Variants in SLC25A13 observed in about 807,000 individuals in gnomAD.
SLC25A13 encodes the protein solute carrier family 25 member 13, also known as electrogenic aspartate/glutamate antiporter SLC25A13, mitochondrial.
A neutral mutation model predicts 85.5 loss-of-function variants in SLC25A13; 70 were observed. That is an observed-to-expected ratio of 0.82 (90% CI 0.68 to 1.00). The LOEUF (loss-of-function observed/expected upper bound fraction) is 1.00, where lower values mean the gene tolerates loss of function less well. Among genes scored for constraint, SLC25A13 ranks in the 50% least tolerant of loss-of-function variants. The pLI is 0.00. For synonymous variants in SLC25A13, 259 were observed against 288.7 expected (o/e 0.90, Z 1.04); for missense variants, 765 against 819.8 (o/e 0.93, Z 0.82).
chr7:96,309,417 T>A (rs1373759798), intron 1 of SLC25A13: 1 of 152,244 alleles, frequency 6.6e-6, no homozygotes, highest in South Asian at 2.1e-4. Flanking sequence ...TGTGCTCACC[T>A]GGCGATTACC....
At chr7:96,267,846 T>C (rs941094163) in intron 3 of SLC25A13, among the ~76,000 whole-genome samples, 3 of 152,214 alleles carry the variant, frequency 2.0e-5, no homozygotes, top group Admixed American at 2.0e-4. Context: ...TGCTGTCATT[T>C]TGGTACAACA....
intron 5 of SLC25A13, among the ~76,000 whole-genome samples, chr7:96,194,733 A>G (rs1794997643): frequency 6.6e-6 from 1 of 152,198 alleles, no homozygotes; most frequent in Non-Finnish European, 1.5e-5. Flanking sequence ...AGTATTTGCA[A>G]TAACGGAAGC....
intron 3 of SLC25A13, among the ~76,000 whole-genome samples, chr7:96,255,864 A>C (rs1054119739): frequency 6.6e-6 from 1 of 152,212 alleles, no homozygotes; most frequent in Non-Finnish European, 1.5e-5. Context: ...CCATCAGACT[A>C]ACAGTGAATC....
chr7:96,224,966 C>G (rs144483727), intron 4 of SLC25A13, among the ~76,000 whole-genome samples: 41 of 152,284 alleles, frequency 2.7e-4, no homozygotes, highest in African/African-American at 8.4e-4. Context: ...ACTTACTCAA[C>G]TTCCCCATGT....
intron 4 of SLC25A13, among the ~76,000 whole-genome samples, chr7:96,216,287 T>G (rs1227631284): frequency 6.6e-6 from 1 of 152,210 alleles, no homozygotes; most frequent in South Asian, 2.1e-4. Context: ...GGAACACTTA[T>G]GTACTGTTGG....
chr7:96,304,528 C>T (rs1427360678), intron 1 of SLC25A13, among the ~76,000 whole-genome samples: 2 of 152,108 alleles, frequency 1.3e-5, no homozygotes, highest in African/African-American at 2.4e-5. Flanking sequence ...TCTGTTATGC[C>T]AAAAGAGCCT....
chr7:96,312,270 T>C (rs532789891), intron 1 of SLC25A13, among the ~76,000 whole-genome samples: 1 of 152,322 alleles, frequency 6.6e-6, no homozygotes, highest in Non-Finnish European at 1.5e-5. Context: ...TCTGTACAAA[T>C]GAGTTTCTCG....
chr7:96,129,996 TAATG>T (rs932089637), intron 15 of SLC25A13, among the ~76,000 whole-genome samples: 13 of 152,182 alleles, frequency 8.5e-5, no homozygotes, highest in Admixed American at 2.6e-4. Context: ...AGTAGTGAAA[TAATG>T]AATAATATTT....
chr7:96,210,430 T>C (rs933434087), intron 4 of SLC25A13, among the ~76,000 whole-genome samples: 6 of 152,116 alleles, frequency 3.9e-5, no homozygotes, highest in African/African-American at 1.2e-4. Flanking sequence ...CAGGGGTCAA[T>C]AAAAGGAATT....
intron 5 of SLC25A13, among the ~76,000 whole-genome samples, chr7:96,197,509 T>C (rs1397619117): frequency 2.0e-5 from 3 of 152,144 alleles, no homozygotes; most frequent in Non-Finnish European, 4.4e-5. Flanking sequence ...CATAGGTTAC[T>C]CCGTAAATAT....
At chr7:96,146,457 A>G in intron 14 of SLC25A13, 99 bp downstream of exon 14, 2 of 1,497,652 alleles carry the variant, frequency 1.3e-6, no homozygotes, top group Non-Finnish European at 1.8e-6. Context: ...CTCCAGGTGT[A>G]GAAATGCAAA....
At chr7:96,302,792 ACT>A in intron 1 of SLC25A13, among the ~76,000 whole-genome samples, 1 of 152,346 alleles carries the variant, frequency 6.6e-6, no homozygotes, top group African/African-American at 2.4e-5. Flanking sequence ...TCACCTGGGA[ACT>A]TTTAAAAATA....
intron 3 of SLC25A13, among the ~76,000 whole-genome samples, chr7:96,251,326 G>A (rs1252170390): frequency 1.3e-5 from 2 of 152,170 alleles, no homozygotes; most frequent in Admixed American, 6.5e-5. Flanking sequence ...GGCCTTGTTG[G>A]CCACGAGAAG....
At chr7:96,223,682 G>C (rs937979053) in intron 4 of SLC25A13, among the ~76,000 whole-genome samples, 3 of 151,978 alleles carry the variant, frequency 2.0e-5, no homozygotes, top group South Asian at 2.1e-4. Flanking sequence ...CGGCTACCCG[G>C]GAGGCTGAGG....
intron 15 of SLC25A13, among the ~76,000 whole-genome samples, chr7:96,126,611 A>G (rs1452123149): frequency 1.3e-5 from 2 of 152,188 alleles, no homozygotes; most frequent in Non-Finnish European, 2.9e-5. Context: ...AAAGGTTAAC[A>G]TTCTCCAGTT....
chr7:96,303,124 T>G (rs1249194368), intron 1 of SLC25A13, among the ~76,000 whole-genome samples: 1 of 152,040 alleles, frequency 6.6e-6, no homozygotes, highest in East Asian at 1.9e-4. Flanking sequence ...TGAGAACAAC[T>G]GCGTTAGGAC....
intron 3 of SLC25A13, among the ~76,000 whole-genome samples, chr7:96,241,154 T>G (rs1796982763): frequency 6.6e-6 from 1 of 151,768 alleles, no homozygotes; most frequent in South Asian, 2.1e-4. Flanking sequence ...GAGAACAATT[T>G]GACAACACAG....
intron 13 of SLC25A13, among the ~76,000 whole-genome samples, chr7:96,163,249 G>T (rs1432142518): frequency 6.6e-6 from 1 of 152,194 alleles, no homozygotes; most frequent in Non-Finnish European, 1.5e-5. Context: ...CTCTTAAGAT[G>T]CCTGCTCTTG....
chr7:96,146,561 A>G lies in SLC25A13; in HGVS notation c.1447T>C (p.Tyr483His). 6.2e-7 allele frequency: 1 copy of G among 1,613,340 alleles called. No individual in the cohort carries two copies. The highest frequency in any genetic ancestry group is 8.5e-7 in the Non-Finnish European group (1 of 1,179,796). Reference sequence around the variant, plus strand: ...TAAAAAAAAAAAAAAGTTACCTTGTAGATCCCAAAAAACCCCAGGTCCCGC... The same window carrying G: ...TAAAAAAAAAAAAAAGTTACCTTGTGGATCCCAAAAAACCCCAGGTCCCGC... The part of the protein sequence containing the change: ...VVRDLGFFGI[Y>H]KGAKACFLRD... Residue 483 changes from tyrosine to histidine, a missense_variant, in exon 14 of 18, where the codon TAC becomes CAC. Tyr to His is a moderately conservative substitution (Grantham distance 83). Coordinates refer to ENST00000265631, the MANE Select transcript of SLC25A13 (RefSeq NM_014251.3).
Sources: allele counts gnomAD v4.1 joint callset (sites outside exome capture counted in the v4.1 genomes callset), GRCh38; gene constraint gnomAD v4.1.1; transcripts MANE v1.5; gene names NCBI Gene and HGNC (gene_info 2026-07-23, HGNC 2026-07-21).